CKAP4: variants seen among roughly 807,000 people sequenced by gnomAD.
CKAP4 encodes cytoskeleton associated protein 4, also known as cytoskeleton-associated protein 4.
Under a neutral mutation model 24.4 loss-of-function variants are expected in CKAP4, and 20 were observed. The ratio of observed to expected loss-of-function variants is 0.82; its 90% CI spans 0.58 to 1.19. The LOEUF (loss-of-function observed/expected upper bound fraction) is 1.19, where lower values mean the gene tolerates loss of function less well. Among genes scored for constraint, CKAP4 ranks in the 50% most tolerant of loss-of-function variants. CKAP4 has a pLI of 0.00. For synonymous variants in CKAP4, 378 were observed against 351.7 expected, an observed-to-expected ratio of 1.07 and a Z score of -0.84; for missense variants, 744 against 765.3, an observed-to-expected ratio of 0.97 and a Z score of 0.33.
chr12:106,245,025 G>C (rs2033996358), intron 1 of CKAP4, among the ~76,000 whole-genome samples: 1 of 152,138 alleles, frequency 6.6e-6, no homozygotes, highest in Non-Finnish European at 1.5e-5. Context: ...CTGGATTCAA[G>C]ACCTTCCCTA....
intron 1 of CKAP4, among the ~76,000 whole-genome samples, chr12:106,243,389 G>C (rs532053823): frequency 6.6e-6 from 1 of 152,168 alleles, no homozygotes; most frequent in Non-Finnish European, 1.5e-5. Flanking sequence ...ACTTCAAAGT[G>C]CCCTGAGTAC....
chr12:106,246,100 T>G (rs960497193), intron 1 of CKAP4, among the ~76,000 whole-genome samples: 3 of 152,196 alleles, frequency 2.0e-5, no homozygotes, highest in African/African-American at 7.2e-5. Context: ...GGGCTGTACT[T>G]GGTATGGAAA....
intron 1 of CKAP4, among the ~76,000 whole-genome samples, chr12:106,243,662 T>A (rs1356876071): frequency 6.6e-6 from 1 of 152,202 alleles, no homozygotes; most frequent in African/African-American, 2.4e-5. Context: ...GCCTGCTGAA[T>A]CCTCTGGGTA....
chr12:106,246,815 A>G (rs1431118787), intron 1 of CKAP4: 2 of 152,424 alleles, frequency 1.3e-5, no homozygotes, highest in Non-Finnish European at 2.9e-5. Flanking sequence ...AATACAGGAC[A>G]AGGGACCTAA....
At chr12:106,241,102 A>C (rs1472391759) in intron 1 of CKAP4, among the ~76,000 whole-genome samples, 1 of 152,200 alleles carries the variant, frequency 6.6e-6, no homozygotes, top group Non-Finnish European at 1.5e-5. Context: ...AAATTAAAAA[A>C]TAAATAAAAT....
At chr12:106,242,199 T>C (rs1462693788) in intron 1 of CKAP4, among the ~76,000 whole-genome samples, 1 of 152,218 alleles carries the variant, frequency 6.6e-6, no homozygotes. Context: ...ATTGTCTGTA[T>C]GAAGATTAAG....
At position 106,247,978 on chromosome 12, in the gene CKAP4, G is replaced by A; in HGVS notation, c.-127C>T. 3.7e-6 allele frequency: 2 copies of A among 537,652 alleles called. No homozygotes were observed. The highest frequency in any genetic ancestry group is 4.8e-6 in the Non-Finnish European group (2 of 418,058). 33.3% of individuals were successfully genotyped at this position (537,652 alleles called of 1,614,324 possible). On this transcript the variant is annotated 5_prime_UTR_variant, in exon 1 of 2. Transcript: ENST00000378026. This position sits in a 1 kb window ranked among gnomAD's most constrained non-coding sequence, Gnocchi z 4.5. ...ACGCGGGCGCTGCTGGCGTCGGAGC[G>A]GCGAGAGGACGCGCGGCCGGGGAAG... is the stretch of plus-strand genomic sequence containing the variant.
intron 1 of CKAP4, among the ~76,000 whole-genome samples, chr12:106,246,270 G>C (rs1039786383): frequency 2.6e-5 from 4 of 152,174 alleles, no homozygotes; most frequent in Non-Finnish European, 5.9e-5. Context: ...TCATTCCTCT[G>C]TCTAAACCTC....
intron 1 of CKAP4, among the ~76,000 whole-genome samples, chr12:106,243,372 G>C (rs2033982651): frequency 6.6e-6 from 1 of 152,122 alleles, no homozygotes; most frequent in African/African-American, 2.4e-5. Flanking sequence ...CTCAGGCAGG[G>C]GCACTGACTT....
intron 1 of CKAP4, among the ~76,000 whole-genome samples, chr12:106,242,006 A>G (rs1368893696): frequency 6.6e-6 from 1 of 152,166 alleles, no homozygotes; most frequent in Admixed American, 6.5e-5. Context: ...TTTTGTTTAC[A>G]CTTGAACACT....
chr12:106,239,409 A>T lies in CKAP4; in HGVS notation c.1424T>A (p.Leu475Gln), dbSNP rs1289669256. Reference protein sequence around the residue: ...QDGLASTVRSLGETQLVLYGD... With the variant: ...QDGLASTVRSQGETQLVLYGD... ...GTAGAGCACCAGCTGGGTCTCGCCCAGGCTCCTCACCGTGCTGGCCAGGCC... is the reference window on the plus strand; with the variant it reads ...GTAGAGCACCAGCTGGGTCTCGCCCTGGCTCCTCACCGTGCTGGCCAGGCC... The change falls in exon 2 of 2, where the codon CTG becomes CAG. Residue 475 changes from leucine to glutamine, a missense_variant. This residue lies in a region of CKAP4 where 401 missense variants were observed against 424.5 expected (regional missense o/e 0.94). Coordinates refer to ENST00000378026, the MANE Select transcript of CKAP4 (RefSeq NM_006825.4). This position sits in a 1 kb window ranked among gnomAD's most constrained non-coding sequence, Gnocchi z 4.9. 1.3e-6 allele frequency: 2 copies of T among 1,599,770 alleles called. No individual in the cohort carries two copies. The highest frequency in any genetic ancestry group is 1.7e-6 in the Non-Finnish European group (2 of 1,177,792).
Position 106,239,047 on chromosome 12 carries a change from C to G in CKAP4, c.1786G>C (p.Glu596Gln). 1 of 1,613,580 alleles carries G rather than the reference C, an allele frequency of 6.2e-7. No individual in the cohort carries two copies. The highest frequency in any genetic ancestry group is 8.5e-7 in the Non-Finnish European group (1 of 1,179,592). ...ATTTAGACCTTTTCGTGAATCTTCT[C>G]CACTTTCACAAACAACCTATCCAGA... is the stretch of plus-strand genomic sequence containing the variant. Reference protein sequence around the residue: ...NDLDRLFVKVEKIHEKV With the variant: ...NDLDRLFVKVQKIHEKV The change falls in exon 2 of 2, where the codon GAG becomes CAG. Residue 596 changes from glutamate (E) to glutamine (Q), a missense_variant. Transcript: ENST00000378026. This position sits in a 1 kb window ranked among gnomAD's most constrained non-coding sequence, Gnocchi z 4.9.
At chr12:106,242,917 C>A (rs945023312) in intron 1 of CKAP4, among the ~76,000 whole-genome samples, 3 of 152,224 alleles carry the variant, frequency 2.0e-5, no homozygotes, top group African/African-American at 7.2e-5. Flanking sequence ...CAACCCCCAA[C>A]ACTATAAAAA....
rs750145170 is a variant in CKAP4, at chr12:106,247,620, TGCCGCCGCC to T, written c.223_231del (p.Gly75_Gly77del). Reference sequence around the variant, plus strand: ...GAGGCGGAGGAGGAGGAGGAGGACTTGCCGCCGCCGCCGCCGCCGCCGCGGTGGCCGCCC... The same window carrying T: ...GAGGCGGAGGAGGAGGAGGAGGACTTGCCGCCGCCGCCGCGGTGGCCGCCC... On this transcript the variant is annotated inframe_deletion, in exon 1 of 2. Coordinates refer to ENST00000378026, the MANE Select transcript of CKAP4 (RefSeq NM_006825.4). The surrounding 1 kb of genome is among the most constrained non-coding windows in gnomAD (Gnocchi z 4.5). 850 of 981,782 alleles carry T rather than the reference TGCCGCCGCC, an allele frequency of 8.7e-4. 45 individuals are homozygous for T. In the African/African-American group the frequency reaches 8.9e-3, roughly 10 times the overall value. 60.8% of individuals were successfully genotyped at this position (981,782 alleles called of 1,614,324 possible).
chr12:106,246,610 C>T (rs947444767), intron 1 of CKAP4: 2 of 152,242 alleles, frequency 1.3e-5, no homozygotes, highest in African/African-American at 4.8e-5. Flanking sequence ...GGTATGGTGG[C>T]ACATGTCTGT....
In CKAP4 at chr12:106,247,357, G is replaced by C; in HGVS notation, c.483+12C>G. ...AGTCGATGGGGACAGTTGCGGGGCC[G>C]GGGGTACCCACCTTCTGCTCGACGC... is the stretch of plus-strand genomic sequence containing the variant. On this transcript the variant is annotated intron_variant, in intron 1 of 1. Transcript: ENST00000378026. The surrounding 1 kb of genome is among the most constrained non-coding windows in gnomAD (Gnocchi z 4.5). 6.6e-7 allele frequency: 1 copy of C among 1,517,810 alleles called. No individual in the cohort carries two copies. The highest frequency in any genetic ancestry group is 2.6e-5 in the East Asian group (1 of 37,860). The allele number at this position is 1,517,810 out of a possible 1,614,324, so 94.0% of individuals were successfully genotyped here. A position where few individuals can be genotyped will look rare whatever the true frequency, so the allele number is the denominator to read the frequency against.
chr12:106,243,999 ACCC>A (rs561032786), intron 1 of CKAP4, among the ~76,000 whole-genome samples: 2 of 151,922 alleles, frequency 1.3e-5, no homozygotes, highest in African/African-American at 4.8e-5. Flanking sequence ...ACCAAACTCC[ACCC>A]CCCAACAAGT....
rs932040303 is a variant in CKAP4, at chr12:106,239,174, G to C, written c.1659C>G (p.Leu553=). Reference sequence around the variant, plus strand: ...CAACCAAACTGTCCACAGCAGTCCTGAGCATTTTCAAGTCCGCCTCCACTT... The same window carrying C: ...CAACCAAACTGTCCACAGCAGTCCTCAGCATTTTCAAGTCCGCCTCCACTT... The part of the protein sequence containing the change: ...VSQVEADLKM[L]RTAVDSLVAY... Residue 553 remains leucine, a synonymous_variant, in exon 2 of 2, where the codon CTC becomes CTG. Coordinates refer to ENST00000378026, the MANE Select transcript of CKAP4 (RefSeq NM_006825.4). The surrounding 1 kb of genome is among the most constrained non-coding windows in gnomAD (Gnocchi z 4.9). 20 of 1,614,086 alleles carry C rather than the reference G, an allele frequency of 1.2e-5. No individual in the cohort carries two copies. Among genetic ancestry groups the C allele is most frequent in the Non-Finnish European group, 1.7e-5 (20 of 1,180,030 alleles).
At position 106,247,951 on chromosome 12, in the gene CKAP4, G is replaced by C; in HGVS notation, c.-100C>G. The C allele has an allele frequency of 1.4e-6, 1 of 722,322 alleles. No individual in the cohort carries two copies. Among genetic ancestry groups the C allele is most frequent in the Non-Finnish European group, 1.7e-6 (1 of 586,396 alleles). The allele number at this position is 722,322 out of a possible 1,614,324, so 44.7% of individuals were successfully genotyped here. ...GGGCTCCCCCGGGACTGGGCGAGCG[G>C]CACGCGGGCGCTGCTGGCGTCGGAG... is the stretch of plus-strand genomic sequence containing the variant. On this transcript the variant is annotated 5_prime_UTR_variant, in exon 1 of 2. Coordinates refer to ENST00000378026, the MANE Select transcript of CKAP4 (RefSeq NM_006825.4). This position sits in a 1 kb window ranked among gnomAD's most constrained non-coding sequence, Gnocchi z 4.5.
Sources: gnomAD v4.1 joint callset for allele counts (sites outside exome capture counted in the v4.1 genomes callset) on GRCh38, gnomAD v4.1.1 for gene constraint, gnomAD v4.1.1 regional missense constraint, Gnocchi (gnomAD v3.1) non-coding constraint, MANE v1.5 for transcripts, NCBI Gene and HGNC (gene_info 2026-07-23, HGNC 2026-07-21) for gene names.